GRM3: variants seen among roughly 807,000 people sequenced by gnomAD.
GRM3 encodes the protein glutamate metabotropic receptor 3.
A neutral mutation model predicts 70.5 loss-of-function variants in GRM3; 26 were observed. The observed-to-expected ratio is 0.37, with a 90% confidence interval of 0.27 to 0.51. GRM3 has a LOEUF of 0.51. Ranked by LOEUF, GRM3 falls within the 20% of genes least tolerant of loss-of-function variation. The pLI is 0.93. For synonymous variants in GRM3, 443 were observed against 434.9 expected (o/e 1.02, Z -0.23); for missense variants, 859 against 1,123.8 (o/e 0.76, Z 3.37).
At chr7:86,841,670 A>G (rs1385302879) in intron 4 of GRM3, among the ~76,000 whole-genome samples, 2 of 152,186 alleles carry the variant, frequency 1.3e-5, no homozygotes, top group African/African-American at 4.8e-5. Context: ...TTCTCAAAAG[A>G]GCTGGTTAAA....
chr7:86,652,821 A>G (rs1793640247), intron 1 of GRM3, among the ~76,000 whole-genome samples: 1 of 152,348 alleles, frequency 6.6e-6, no homozygotes, highest in East Asian at 1.9e-4. Context: ...ATTATTGCCC[A>G]GAGAGCCTGC....
At chr7:86,813,315 G>C (rs544548207) in intron 3 of GRM3, among the ~76,000 whole-genome samples, 1 of 151,548 alleles carries the variant, frequency 6.6e-6, no homozygotes, top group Non-Finnish European at 1.5e-5. Flanking sequence ...CAGCTTCATG[G>C]GTCTTTAGAA....
At chr7:86,849,095 C>G (rs1056328983) in intron 4 of GRM3, among the ~76,000 whole-genome samples, 3 of 152,268 alleles carry the variant, frequency 2.0e-5, no homozygotes, top group East Asian at 1.9e-4. Context: ...TTGTCTCCCC[C>G]TCCCATGATC....
At chr7:86,836,866 G>A (rs116290985) in intron 3 of GRM3, among the ~76,000 whole-genome samples, 99 of 152,252 alleles carry the variant, frequency 6.5e-4, no homozygotes, top group African/African-American at 2.3e-3. Flanking sequence ...CCTTGCTGAA[G>A]GACACACAAT....
At chr7:86,831,571 T>A (rs1170062572) in intron 3 of GRM3, among the ~76,000 whole-genome samples, 1 of 152,122 alleles carries the variant, frequency 6.6e-6, no homozygotes, top group Non-Finnish European at 1.5e-5. Context: ...GATTGGAATC[T>A]CCATAATTTC....
At chr7:86,791,867 G>C (rs1301083028) in intron 3 of GRM3, among the ~76,000 whole-genome samples, 1 of 152,006 alleles carries the variant, frequency 6.6e-6, no homozygotes, top group Non-Finnish European at 1.5e-5. Flanking sequence ...CCAAACCTTA[G>C]TATATTTAAA....
At chr7:86,790,212 T>C (rs1797371456) in intron 3 of GRM3, among the ~76,000 whole-genome samples, 1 of 152,088 alleles carries the variant, frequency 6.6e-6, no homozygotes, top group African/African-American at 2.4e-5. Context: ...ATAGTTCCTT[T>C]AGGAATCATT....
chr7:86,715,844 G>A (rs140603358), intron 1 of GRM3, among the ~76,000 whole-genome samples: 4 of 152,084 alleles, frequency 2.6e-5, no homozygotes, highest in African/African-American at 7.2e-5. Flanking sequence ...TCTTGCAATG[G>A]CATTTAAACA....
intron 2 of GRM3, among the ~76,000 whole-genome samples, chr7:86,785,685 A>ATTTTTTTTTTGTTTTTTTTTTTTTTTT (rs1797214217): frequency 1.5e-5 from 1 of 65,192 alleles, no homozygotes; most frequent in Non-Finnish European, 2.9e-5. Flanking sequence ...AATAGAATTG[A>ATTTTTTTTTTGTTTTTTTTTTTTTTTT]TTTTTTTTTT....
intron 2 of GRM3, among the ~76,000 whole-genome samples, chr7:86,767,558 T>A (rs932586621): frequency 4.1e-5 from 5 of 121,092 alleles, no homozygotes; most frequent in Non-Finnish European, 7.0e-5. Flanking sequence ...TATATATATA[T>A]AAATGAAGTA....
At chr7:86,655,867 T>G (rs1793729561) in intron 1 of GRM3, among the ~76,000 whole-genome samples, 1 of 150,744 alleles carries the variant, frequency 6.6e-6, no homozygotes, top group African/African-American at 2.4e-5. Context: ...GGTGGGTGTG[T>G]GTGTATGTGT....
intron 5 of GRM3, among the ~76,000 whole-genome samples, chr7:86,856,730 T>C (rs917264901): frequency 6.6e-6 from 1 of 152,216 alleles, no homozygotes; most frequent in Non-Finnish European, 1.5e-5. Flanking sequence ...AGAGAATTGA[T>C]GTTTAGTACC....
Position 86,745,109 on chromosome 7 carries a change from G to A in GRM3, c.-140-19897G>A, listed in dbSNP as rs182386926. ...CCTTCCATCTCATAACTCCAGAGCT[G>A]GCATGTGGGTCATTTTCTTTTCCAG... On this transcript the variant is annotated intron_variant, in intron 1 of 5. Transcript: ENST00000361669. 3.3e-5 allele frequency among the ~76,000 whole-genome samples: 5 copies of A among 152,238 alleles called. No homozygotes were observed. In the East Asian group the frequency reaches 9.7e-4, roughly 29 times the overall value.
intron 3 of GRM3, among the ~76,000 whole-genome samples, chr7:86,829,697 G>A (rs142918519): frequency 2.9e-4 from 44 of 152,108 alleles, no homozygotes; most frequent in Non-Finnish European, 5.7e-4. Flanking sequence ...ATCTGACCTG[G>A]GTACAGTTTG....
At chr7:86,858,351 G>A (rs1450409024) in intron 5 of GRM3, among the ~76,000 whole-genome samples, 1 of 152,172 alleles carries the variant, frequency 6.6e-6, no homozygotes, top group Admixed American at 6.6e-5. Context: ...CAAATTTCAT[G>A]TGTTGAAAAC....
chr7:86,816,287 A>C (rs1169244781), intron 3 of GRM3, among the ~76,000 whole-genome samples: 1 of 151,768 alleles, frequency 6.6e-6, no homozygotes, highest in African/African-American at 2.4e-5. Context: ...AGCGACAAGC[A>C]CTTTTTTTTT....
chr7:86,755,189 A>C (rs866860554), intron 1 of GRM3, among the ~76,000 whole-genome samples: 2 of 151,712 alleles, frequency 1.3e-5, no homozygotes, highest in African/African-American at 2.4e-5. Flanking sequence ...ACTGTGGTGT[A>C]GTTTCCAGGA....
In GRM3 at chr7:86,839,341, A is replaced by G. The variant is rs1798517705; in HGVS notation, c.1827A>G (p.Ala609=). The part of the protein sequence containing the change: ...IKHNNTPLVK[A]SGRELCYILL... ...ACAACAACACACCCTTGGTCAAAGC[A>G]TCGGGCCGAGAACTCTGCTACATCT... The change falls in exon 4 of 6, where the codon GCA becomes GCG. Residue 609 remains alanine, a synonymous_variant. Coordinates refer to ENST00000361669, the MANE Select transcript of GRM3 (RefSeq NM_000840.3). This position sits in a 1 kb window ranked among gnomAD's most constrained non-coding sequence, Gnocchi z 4.5. The G allele has an allele frequency of 6.2e-7, 1 of 1,613,974 alleles. No homozygotes were observed. Among genetic ancestry groups the G allele is most frequent in the Non-Finnish European group, 8.5e-7 (1 of 1,179,998 alleles).
At chr7:86,838,009 A>C (rs577550488) in intron 3 of GRM3, among the ~76,000 whole-genome samples, 7 of 152,310 alleles carry the variant, frequency 4.6e-5, no homozygotes, top group South Asian at 2.1e-4. Flanking sequence ...GCTGGAAGAG[A>C]GGAAGCATGT....
Sources: gnomAD v4.1 joint callset for allele counts (sites outside exome capture counted in the v4.1 genomes callset) on GRCh38, gnomAD v4.1.1 for gene constraint, Gnocchi (gnomAD v3.1) non-coding constraint, MANE v1.5 for transcripts, NCBI Gene and HGNC (gene_info 2026-07-23, HGNC 2026-07-21) for gene names.